Variants in C10orf90 observed in about 807,000 individuals in gnomAD.
C10orf90 encodes (E2-independent) E3 ubiquitin-conjugating enzyme FATS.
In C10orf90, 56 loss-of-function variants were observed where a neutral mutation model predicts 62.5. That is an observed-to-expected ratio of 0.90 (90% CI 0.72 to 1.12). The LOEUF is 1.12. C10orf90 is among the 50% of genes most tolerant of loss of function. C10orf90 has a pLI of 0.00. For synonymous variants in C10orf90, 386 were observed against 340.4 expected (o/e 1.13, Z -1.47); for missense variants, 970 against 880.4 (o/e 1.10, Z -1.29).
At chr10:126,435,163 A>C (rs116169558) in intron 7 of C10orf90, among the ~76,000 whole-genome samples, 1,529 of 152,316 alleles carry the variant, frequency 0.01, 26 homozygotes, top group African/African-American at 0.035. Flanking sequence ...TATTGATATG[A>C]AAGTGATGCC....
intron 2 of C10orf90, among the ~76,000 whole-genome samples, chr10:126,580,182 T>C (rs1338989379): frequency 6.6e-6 from 1 of 152,182 alleles, no homozygotes; most frequent in Non-Finnish European, 1.5e-5. Flanking sequence ...GGAAAATACC[T>C]GAGGGAAGGA....
chr10:126,564,969 TATA>T (rs1844290346), intron 2 of C10orf90, among the ~76,000 whole-genome samples: 1 of 27,912 alleles, frequency 3.6e-5, no homozygotes, highest in African/African-American at 1.3e-4. Context: ...ATAAAATATA[TATA>T]ATATATAAAA....
chr10:126,495,298 T>C (rs11245003), intron 4 of C10orf90, among the ~76,000 whole-genome samples: 37,325 of 152,042 alleles, frequency 0.25, 5,079 homozygotes, highest in East Asian at 0.48. Flanking sequence ...CCGAGACGGG[T>C]GGATCACCTG....
At chr10:126,603,186 T>C (rs1463986330) in intron 2 of C10orf90, among the ~76,000 whole-genome samples, 3 of 152,120 alleles carry the variant, frequency 2.0e-5, no homozygotes, top group African/African-American at 7.2e-5. Context: ...TGAGATGAGG[T>C]ACTTTATAGT....
In C10orf90 at chr10:126,439,479, G is replaced by C. The variant is rs553592481; in HGVS notation, c.2189-9629C>G. Among the ~76,000 whole-genome samples the C allele has an allele frequency of 9.9e-5, 15 of 152,138 alleles. 1 individual carries two copies. In the South Asian group the frequency reaches 2.1e-3, roughly 21 times the overall value. On this transcript the variant is annotated intron_variant, in intron 7 of 9. Transcript: ENST00000488181. ...TCCAGTAACTGACCCCAAAGAAATA[G>C]GACTCTATGCATCATCTGACAAAGA... is the stretch of plus-strand genomic sequence containing the variant.
At chr10:126,601,037 C>A (rs1177585632) in intron 2 of C10orf90, among the ~76,000 whole-genome samples, 2 of 152,186 alleles carry the variant, frequency 1.3e-5, no homozygotes, top group African/African-American at 4.8e-5. Flanking sequence ...GATATTGTGT[C>A]ATTTGCTACA....
At chr10:126,458,992 C>T (rs752321283) in intron 7 of C10orf90, 48 bp downstream of exon 7, 6 of 1,564,582 alleles carry the variant, frequency 3.8e-6, no homozygotes, top group Admixed American at 1.9e-5. Context: ...CTCCAGGAAC[C>T]CCCCATCCCT....
chr10:126,625,553 G>C (rs1845726132), intron 2 of C10orf90, among the ~76,000 whole-genome samples: 1 of 152,300 alleles, frequency 6.6e-6, no homozygotes, highest in South Asian at 2.1e-4. Flanking sequence ...CTGTCTGGTT[G>C]GCTCCAGTGC....
chr10:126,470,927 C>T lies in C10orf90; in HGVS notation c.1535-5941G>A, dbSNP rs78348654. ...TGCAGGTTAAAACTCTATTTCCTCA[C>T]GTGGGATTGGGTCTCCATTTGGTAT... On this transcript the variant is annotated intron_variant, in intron 4 of 9. Transcript: ENST00000488181. 3.5e-3 allele frequency among the ~76,000 whole-genome samples: 529 copies of T among 152,198 alleles called. 22 individuals carry two copies. The East Asian group carries it at 0.092, about 26-fold the overall frequency.
At chr10:126,641,459 T>A (rs1846056447) in intron 2 of C10orf90, among the ~76,000 whole-genome samples, 1 of 151,968 alleles carries the variant, frequency 6.6e-6, no homozygotes, top group Admixed American at 6.6e-5. Flanking sequence ...GGGAGAAAAT[T>A]CCACGCCCCC....
At chr10:126,618,958 A>C (rs186514951) in intron 2 of C10orf90, among the ~76,000 whole-genome samples, 24 of 152,332 alleles carry the variant, frequency 1.6e-4, no homozygotes, top group Admixed American at 1.6e-3. Flanking sequence ...TGGATAAATA[A>C]AATGTGGTAC....
At chr10:126,665,689 T>C (rs1403098052) in intron 1 of C10orf90, among the ~76,000 whole-genome samples, 1 of 152,118 alleles carries the variant, frequency 6.6e-6, no homozygotes, top group African/African-American at 2.4e-5. Flanking sequence ...AGTCCTACAA[T>C]TGTCCCCACC....
At chr10:126,460,807 A>G (rs1054058216) in intron 6 of C10orf90, among the ~76,000 whole-genome samples, 1 of 152,218 alleles carries the variant, frequency 6.6e-6, no homozygotes, top group Non-Finnish European at 1.5e-5. Flanking sequence ...AGTGCCTTCC[A>G]AGAAGGTGTG....
intron 2 of C10orf90, among the ~76,000 whole-genome samples, chr10:126,572,982 C>T (rs370430313): frequency 5.3e-5 from 8 of 152,086 alleles, no homozygotes; most frequent in African/African-American, 1.9e-4. Flanking sequence ...ATTCTTTATT[C>T]CTTTACTTTT....
chr10:126,538,513 T>G (rs1484696963), intron 2 of C10orf90, among the ~76,000 whole-genome samples: 3 of 152,234 alleles, frequency 2.0e-5, no homozygotes, highest in Non-Finnish European at 4.4e-5. Flanking sequence ...AAATGCCTGT[T>G]GCTTAAGCTG....
At chr10:126,558,980 T>A (rs1864840779) in intron 2 of C10orf90, among the ~76,000 whole-genome samples, 1 of 152,236 alleles carries the variant, frequency 6.6e-6, no homozygotes, top group South Asian at 2.1e-4. Flanking sequence ...CTGGAATGAC[T>A]GAGAAGCCAG....
chr10:126,507,872 G>A (rs994660459), intron 3 of C10orf90, among the ~76,000 whole-genome samples: 2 of 152,114 alleles, frequency 1.3e-5, no homozygotes, highest in African/African-American at 4.8e-5. Flanking sequence ...TTTTATGGAT[G>A]TAGTTTACAC....
chr10:126,441,455 CAT>C (rs1451760010), intron 7 of C10orf90, among the ~76,000 whole-genome samples: 14 of 152,054 alleles, frequency 9.2e-5, no homozygotes, highest in Admixed American at 9.2e-4. Flanking sequence ...GTTTGGAAAA[CAT>C]ATTGGGGGAA....
rs146056283 is a variant in C10orf90 at position 126,438,096 on chromosome 10, C to T, written c.2189-8246G>A. On this transcript the variant is annotated intron_variant, in intron 7 of 9. Coordinates refer to ENST00000488181, the MANE Select transcript of C10orf90 (RefSeq NM_001350921.2). ...CACCAAGTGGCATTGTTACAGATGC[C>T]GGGGTACACACACGGAGACAGCTCC... Among the ~76,000 whole-genome samples, 691 of 152,212 alleles carry T rather than the reference C, an allele frequency of 4.5e-3. 4 individuals are homozygous for T. The highest frequency in any genetic ancestry group is 0.01 in the Middle Eastern group (3 of 294).
Sources: gnomAD v4.1 joint callset for allele counts (sites outside exome capture counted in the v4.1 genomes callset) on GRCh38, gnomAD v4.1.1 for gene constraint, MANE v1.5 for transcripts, NCBI Gene and HGNC (gene_info 2026-07-23, HGNC 2026-07-21) for gene names.